The following GDAP1L1 variants were observed in gnomAD, a reference collection of about 807,000 sequenced individuals.
The protein encoded by GDAP1L1 is ganglioside-induced differentiation-associated protein 1-like 1.
A neutral mutation model predicts 37.1 loss-of-function variants in GDAP1L1; 21 were observed. The observed-to-expected ratio is 0.57, with a 90% CI of 0.40 to 0.81. GDAP1L1 has a LOEUF of 0.81. Ranked by LOEUF, GDAP1L1 falls within the 40% of genes least tolerant of loss-of-function variation. GDAP1L1 has a pLI of 0.00. For synonymous variants in GDAP1L1, 193 were observed against 209.1 expected (o/e 0.92, Z 0.67); for missense variants, 362 against 491.6 (o/e 0.74, Z 2.49).
At chr20:44,266,962 A>T (rs370346665) in intron 5 of GDAP1L1, among the ~76,000 whole-genome samples, 1 of 152,206 alleles carries the variant, frequency 6.6e-6, no homozygotes, top group East Asian at 1.9e-4. Flanking sequence ...CTTAAAAAAC[A>T]TCGCAAAAAA....
chr20:44,254,418 G>C (rs1301494114), intron 1 of GDAP1L1, among the ~76,000 whole-genome samples: 1 of 152,180 alleles, frequency 6.6e-6, no homozygotes, highest in Non-Finnish European at 1.5e-5. Context: ...CTCTGCAACA[G>C]TTTTTCCCCC....
rs58797420 is a variant in GDAP1L1, at chr20:44,256,671, GA to G, written c.181-472del. On this transcript the variant is annotated intron_variant, in intron 1 of 5. Transcript: ENST00000342560. Reference sequence around the variant, plus strand: ...CAAGACTCTGTCTTAAAAAAAAGGGGAAAAAAAAAAGTTTCTGTGAATTTCC... The same window carrying G: ...CAAGACTCTGTCTTAAAAAAAAGGGGAAAAAAAAAGTTTCTGTGAATTTCC... Among the ~76,000 whole-genome samples the G allele has an allele frequency of 1.9e-3, 285 of 148,920 alleles. 2 individuals are homozygous for G. Among genetic ancestry groups the G allele is most frequent in the African/African-American group, 5.7e-3 (233 of 40,576 alleles).
chr20:44,275,675 C>T (rs16988929), intron 5 of GDAP1L1, among the ~76,000 whole-genome samples: 6,875 of 152,180 alleles, frequency 0.045, 310 homozygotes, highest in East Asian at 0.13. Flanking sequence ...AAGGGCTTAA[C>T]GTCTAGGCAC....
At chr20:44,275,433 T>A (rs2062562940) in intron 5 of GDAP1L1, among the ~76,000 whole-genome samples, 1 of 152,038 alleles carries the variant, frequency 6.6e-6, no homozygotes, top group South Asian at 2.1e-4. Context: ...ACTGGACTCA[T>A]GGAATTCCTG....
chr20:44,257,365 C>T lies in GDAP1L1; in HGVS notation c.373+20C>T, dbSNP rs55893079. On this transcript the variant is annotated intron_variant, in intron 2 of 5. Transcript: ENST00000342560. ...CAGGAGGTACGGCTGCCTCCCCACC[C>T]AGGGGCCCACTCCATACCACAGATC... is the stretch of plus-strand genomic sequence containing the variant. 346 of 1,603,366 alleles carry T rather than the reference C, an allele frequency of 2.2e-4. No homozygotes were observed. Among genetic ancestry groups the T allele is most frequent in the Non-Finnish European group, 2.8e-4 (331 of 1,173,134 alleles).
rs397756226 is a variant in GDAP1L1 at position 44,270,164 on chromosome 20, A to ATTT, written c.760+5627_760+5629dup. ...ACTGCTGTCAACCTCAGTGTCTTAA[A>ATTT]TTTTTTTTTTTTTTTTTTTTTTTTG... On this transcript the variant is annotated intron_variant, in intron 5 of 5. Coordinates refer to ENST00000342560, the MANE Select transcript of GDAP1L1 (RefSeq NM_024034.6). Among the ~76,000 whole-genome samples, 835 of 100,558 alleles carry ATTT rather than the reference A, an allele frequency of 8.3e-3. 17 individuals carry two copies. Among genetic ancestry groups the ATTT allele is most frequent in the East Asian group, 0.043 (130 of 3,028 alleles). 66.0% of individuals were successfully genotyped at this position (100,558 alleles called of 152,430 possible). A position where few individuals can be genotyped will look rare whatever the true frequency, so the allele number is the denominator to read the frequency against.
Position 44,269,286 on chromosome 20 carries a change from G to GA in GDAP1L1, c.760+4737dup, listed in dbSNP as rs200873380. Among the ~76,000 whole-genome samples, 1,028 of 149,158 alleles carry GA rather than the reference G, an allele frequency of 6.9e-3. 7 individuals are homozygous for GA. The highest frequency in any genetic ancestry group is 0.017 in the African/African-American group (706 of 40,734). On this transcript the variant is annotated intron_variant, in intron 5 of 5. Transcript: ENST00000342560. ...TGCTCTCACGGAGTTTGCAGTCTTA[G>GA]AAAAAAAAAACTATGAGTCTTAGAT...
At chr20:44,259,051 C>T (rs2073622409) in intron 3 of GDAP1L1, among the ~76,000 whole-genome samples, 1 of 151,738 alleles carries the variant, frequency 6.6e-6, no homozygotes, top group Admixed American at 6.6e-5. Context: ...ACAGTCAGGG[C>T]TGTGCTTCGT....
intron 5 of GDAP1L1, among the ~76,000 whole-genome samples, chr20:44,272,103 G>A (rs991953745): frequency 2.0e-5 from 3 of 152,188 alleles, no homozygotes; most frequent in African/African-American, 7.2e-5. Context: ...CGAAGCCAGA[G>A]GGCATGAGCC....
chr20:44,259,767 G>A (rs1323107674), intron 3 of GDAP1L1, among the ~76,000 whole-genome samples: 2 of 152,152 alleles, frequency 1.3e-5, no homozygotes, highest in African/African-American at 4.8e-5. Flanking sequence ...AAAGCGCTGG[G>A]ATTATAGGCA....
intron 1 of GDAP1L1, among the ~76,000 whole-genome samples, chr20:44,253,134 C>G (rs1430084488): frequency 6.6e-6 from 1 of 152,178 alleles, no homozygotes; most frequent in African/African-American, 2.4e-5. Context: ...TTCCCCTTCC[C>G]TGCTCTATTT....
chr20:44,272,008 G>T (rs6017309), intron 5 of GDAP1L1, among the ~76,000 whole-genome samples: 38,109 of 152,056 alleles, frequency 0.25, 5,319 homozygotes, highest in East Asian at 0.45. Flanking sequence ...GTGATGACTC[G>T]CAGAGAGGAG....
chr20:44,257,661 G>A (rs899064798), intron 2 of GDAP1L1, among the ~76,000 whole-genome samples: 3 of 151,996 alleles, frequency 2.0e-5, no homozygotes, highest in African/African-American at 4.8e-5. Flanking sequence ...TAGAGTCACA[G>A]GCATGGCCCC....
intron 3 of GDAP1L1, among the ~76,000 whole-genome samples, chr20:44,261,562 G>C (rs1369488778): frequency 1.3e-5 from 2 of 152,170 alleles, no homozygotes; most frequent in Non-Finnish European, 2.9e-5. Flanking sequence ...ATCTGACATA[G>C]CCACTGCTCT....
chr20:44,265,324 T>C (rs2073745042), intron 5 of GDAP1L1: 1 of 985,396 alleles, frequency 1.0e-6, no homozygotes, highest in East Asian at 1.1e-4. Context: ...CCACTCCATT[T>C]TGCCTGTTGC....
At chr20:44,275,038 G>A (rs1246990049) in intron 5 of GDAP1L1, among the ~76,000 whole-genome samples, 1 of 152,008 alleles carries the variant, frequency 6.6e-6, no homozygotes, top group Non-Finnish European at 1.5e-5. Context: ...GACCACAGGC[G>A]CACATGCTAC....
chr20:44,247,435 C>G lies in GDAP1L1; in HGVS notation c.101C>G (p.Pro34Arg). ...AAKPAEAPDAPEAASPAHWPR... is the reference protein window; with the variant it reads ...AAKPAEAPDAREAASPAHWPR... ...AAGCCAGCGGAGGCCCCCGACGCTC[C>G]CGAGGCGGCCAGCCCCGCCCATTGG... Residue 34 changes from proline (P) to arginine (R), a missense_variant, in exon 1 of 6, where the codon CCC (proline) becomes CGC (arginine). Physicochemically the swap from Pro to Arg is moderately radical, Grantham distance 103. Coordinates refer to ENST00000342560, the MANE Select transcript of GDAP1L1 (RefSeq NM_024034.6). 1 of 1,608,848 alleles carries G rather than the reference C, an allele frequency of 6.2e-7. No individual in the cohort carries two copies. The highest frequency in any genetic ancestry group is 8.5e-7 in the Non-Finnish European group (1 of 1,178,250).
At chr20:44,272,692 C>T (rs558542624) in intron 5 of GDAP1L1, among the ~76,000 whole-genome samples, 244 of 152,280 alleles carry the variant, frequency 1.6e-3, no homozygotes, top group African/African-American at 5.7e-3. Context: ...TACCAGATTG[C>T]TGCCCAGGCG....
upstream of GDAP1L1, chr20:44,247,220 C>A: frequency 1.9e-6 from 2 of 1,052,148 alleles, no homozygotes; most frequent in Non-Finnish European, 2.8e-6. Context: ...ATGACATTCA[C>A]GGAGCGGGGA....
Sources: allele counts gnomAD v4.1 joint callset (sites outside exome capture counted in the v4.1 genomes callset), GRCh38; gene constraint gnomAD v4.1.1; transcripts MANE v1.5; gene names NCBI Gene and HGNC (gene_info 2026-07-23, HGNC 2026-07-21).